The following GALNT13 variants were observed in gnomAD, a reference collection of about 807,000 sequenced individuals.
GALNT13 encodes the protein polypeptide N-acetylgalactosaminyltransferase 13.
A neutral mutation model predicts 64.2 loss-of-function variants in GALNT13; 28 were observed. That is an observed-to-expected ratio of 0.44 (90% CI 0.32 to 0.60). The LOEUF is 0.60. Ranked by LOEUF, GALNT13 falls within the 20% of genes least tolerant of loss-of-function variation. The pLI is 0.05. For synonymous variants in GALNT13, 214 were observed against 224.6 expected, an observed-to-expected ratio of 0.95 and a Z score of 0.42; for missense variants, 577 against 669.8, an observed-to-expected ratio of 0.86 and a Z score of 1.53.
chr2:153,251,686 G>T, the GALNT13 span, among the ~76,000 whole-genome samples: 1 of 138,582 alleles, frequency 7.2e-6, no homozygotes, highest in Non-Finnish European at 1.5e-5. Context: ...TGTTCTCATT[G>T]TTCAGTTCCC....
At chr2:153,505,817 A>G in the GALNT13 span, among the ~76,000 whole-genome samples, 1 of 152,164 alleles carries the variant, frequency 6.6e-6, no homozygotes, top group Non-Finnish European at 1.5e-5. Flanking sequence ...GTTAATGCAT[A>G]GAATGTATAT....
At chr2:153,765,057 C>T in the GALNT13 span, among the ~76,000 whole-genome samples, 2 of 152,304 alleles carry the variant, frequency 1.3e-5, no homozygotes, top group African/African-American at 2.4e-5. Flanking sequence ...GCTGCGGGGA[C>T]GTAGTCCTCA....
chr2:153,172,504 T>A, the GALNT13 span, among the ~76,000 whole-genome samples: 2 of 150,676 alleles, frequency 1.3e-5, no homozygotes, highest in Non-Finnish European at 3.0e-5. Context: ...CACTGAGAGC[T>A]GAGGTGGGTC....
chr2:153,764,728 C>T, the GALNT13 span, among the ~76,000 whole-genome samples: 1 of 152,244 alleles, frequency 6.6e-6, no homozygotes, highest in African/African-American at 2.4e-5. Context: ...AGACCTTCAT[C>T]TGCAGCCCCT....
the GALNT13 span, among the ~76,000 whole-genome samples, chr2:153,353,322 A>G: frequency 6.6e-6 from 1 of 152,088 alleles, no homozygotes; most frequent in Non-Finnish European, 1.5e-5. Context: ...CCTTGCTATA[A>G]TCTCTTATTA....
At chr2:154,021,002 G>A (rs77036748) in intron 3 of GALNT13, among the ~76,000 whole-genome samples, 27,909 of 152,064 alleles carry the variant, frequency 0.18, 4,716 homozygotes, top group East Asian at 0.74. Context: ...TCAAAGATCC[G>A]ACAGTTGTAG....
chr2:153,420,478 A>AT, the GALNT13 span, among the ~76,000 whole-genome samples: 5 of 152,024 alleles, frequency 3.3e-5, no homozygotes, highest in African/African-American at 1.2e-4. Context: ...GTATATGGAA[A>AT]TTTTATTTTA....
At chr2:153,338,290 T>C in the GALNT13 span, among the ~76,000 whole-genome samples, 1 of 151,986 alleles carries the variant, frequency 6.6e-6, no homozygotes, top group Non-Finnish European at 1.5e-5. Context: ...AAGACCCTGT[T>C]TCTAAACATA....
chr2:153,739,318 A>G, the GALNT13 span, among the ~76,000 whole-genome samples: 1 of 151,654 alleles, frequency 6.6e-6, no homozygotes, highest in Non-Finnish European at 1.5e-5. Context: ...CCCTAAGTTA[A>G]TAATTAACAA....
chr2:153,417,305 T>C, the GALNT13 span, among the ~76,000 whole-genome samples: 8 of 152,138 alleles, frequency 5.3e-5, no homozygotes, highest in Non-Finnish European at 8.8e-5. Context: ...GAGCAGATGA[T>C]GTAGGGCCTT....
At chr2:153,513,706 T>G in the GALNT13 span, among the ~76,000 whole-genome samples, 1 of 152,174 alleles carries the variant, frequency 6.6e-6, no homozygotes, top group Non-Finnish European at 1.5e-5. Flanking sequence ...GTCCATGGGT[T>G]TGGGATCTAG....
intron 8 of GALNT13, among the ~76,000 whole-genome samples, chr2:154,280,800 CT>C (rs1212620187): frequency 6.6e-6 from 1 of 152,286 alleles, no homozygotes; most frequent in East Asian, 1.9e-4. Context: ...GCAGATGTTA[CT>C]GATATCTGAA....
chr2:153,994,379 G>A (rs976047006), intron 3 of GALNT13, among the ~76,000 whole-genome samples: 12 of 152,102 alleles, frequency 7.9e-5, no homozygotes, highest in African/African-American at 2.2e-4. Flanking sequence ...ATAAACATAC[G>A]TGTGCACATC....
At chr2:154,047,256 G>T (rs1699338810) in intron 3 of GALNT13, among the ~76,000 whole-genome samples, 1 of 152,148 alleles carries the variant, frequency 6.6e-6, no homozygotes. Context: ...AATAAATAAT[G>T]ATTTAGTGAC....
the GALNT13 span, among the ~76,000 whole-genome samples, chr2:153,443,094 C>G: frequency 1.3e-5 from 2 of 152,072 alleles, no homozygotes; most frequent in South Asian, 2.1e-4. Flanking sequence ...CCACTGGTGT[C>G]TGAAAAAAAA....
At chr2:153,343,175 T>C in the GALNT13 span, among the ~76,000 whole-genome samples, 3 of 152,132 alleles carry the variant, frequency 2.0e-5, no homozygotes, top group East Asian at 3.9e-4. Context: ...ACCATAACTA[T>C]GATTACAGGA....
the GALNT13 span, among the ~76,000 whole-genome samples, chr2:153,550,306 C>A: frequency 1.5e-4 from 23 of 151,714 alleles, no homozygotes; most frequent in Admixed American, 9.8e-4. Flanking sequence ...ACCATCTCGG[C>A]TCACTGCAAC....
chr2:153,916,014 G>A (rs1343965378), intron 2 of GALNT13, among the ~76,000 whole-genome samples: 1 of 152,094 alleles, frequency 6.6e-6, no homozygotes, highest in African/African-American at 2.4e-5. Context: ...TATTTAGTAA[G>A]CTCTTAGTGG....
chr2:154,241,681 A>T (rs1689496656), intron 4 of GALNT13, among the ~76,000 whole-genome samples: 1 of 152,222 alleles, frequency 6.6e-6, no homozygotes, highest in African/African-American at 2.4e-5. Context: ...ATTTTTATTA[A>T]CAAATGATAA....
Sources: allele counts gnomAD v4.1 joint callset (sites outside exome capture counted in the v4.1 genomes callset), GRCh38; gene constraint gnomAD v4.1.1; transcripts MANE v1.5; gene names NCBI Gene and HGNC (gene_info 2026-07-23, HGNC 2026-07-21).